Variants in CHEK2 observed in about 807,000 individuals in gnomAD.
The protein encoded by CHEK2 is serine/threonine-protein kinase Chk2.
A neutral mutation model predicts 69.1 loss-of-function variants in CHEK2; 71 were observed. The observed-to-expected ratio is 1.03, with a 90% CI of 0.85 to 1.25. The LOEUF (loss-of-function observed/expected upper bound fraction) is 1.25. Ranked by LOEUF, CHEK2 falls within the 50% of genes most tolerant of loss-of-function variation. CHEK2 has a pLI of 0.00. For synonymous variants in CHEK2, 189 were observed against 226.9 expected, an observed-to-expected ratio of 0.83 and a Z score of 1.50; for missense variants, 664 against 649.6, an observed-to-expected ratio of 1.02 and a Z score of -0.24.
intron 1 of CHEK2, among the ~76,000 whole-genome samples, chr22:28,741,463 C>A (rs1292250680): frequency 6.6e-6 from 1 of 151,776 alleles, no homozygotes; most frequent in African/African-American, 2.4e-5. Flanking sequence ...ATAGATTGAA[C>A]CTAAAGAATG....
chr22:28,689,268 T>C, intron 13 of CHEK2, 53 bp from the exon 14 acceptor site: 2 of 1,208,524 alleles, frequency 1.7e-6, no homozygotes, highest in Non-Finnish European at 2.4e-6. Context: ...AATAAACTCC[T>C]AGAATGACAG....
At chr22:28,727,263 G>A (rs948519554) in intron 2 of CHEK2, among the ~76,000 whole-genome samples, 2 of 152,076 alleles carry the variant, frequency 1.3e-5, no homozygotes, top group South Asian at 2.1e-4. Context: ...GGATGGTCTC[G>A]ATCTCCTGAA....
intron 2 of CHEK2, among the ~76,000 whole-genome samples, chr22:28,730,250 A>G (rs1223751121): frequency 0.13 from 8 of 62 alleles, no homozygotes; most frequent in African/African-American, 0.2. Context: ...AGAGGAGAGG[A>G]GAGGAGGGGA....
intron 13 of CHEK2, 71 bp from the exon 14 acceptor site, chr22:28,689,286 A>G (rs1396983044): frequency 1.9e-6 from 2 of 1,042,436 alleles, no homozygotes; most frequent in African/African-American, 3.1e-5. Flanking sequence ...CAGGGCTAGC[A>G]TGCCCCTGTG....
intron 8 of CHEK2, among the ~76,000 whole-genome samples, chr22:28,702,840 C>G (rs976268798): frequency 6.6e-6 from 1 of 152,304 alleles, no homozygotes; most frequent in East Asian, 1.9e-4. Context: ...AGCCACTGCA[C>G]CTGGCCCTGG....
At chr22:28,694,199 T>C in intron 12 of CHEK2, 82 bp from the exon 13 acceptor site, 1 of 929,852 alleles carries the variant, frequency 1.1e-6, no homozygotes, top group Admixed American at 1.7e-5. Flanking sequence ...CAGGCCACCA[T>C]TCAGAAAGAG....
chr22:28,721,512 C>A (rs1470907039), intron 4 of CHEK2: 4 of 390,072 alleles, frequency 1.0e-5, no homozygotes, highest in Non-Finnish European at 2.1e-5. Flanking sequence ...GTCTCGAACT[C>A]CTGACCTCAG....
intron 2 of CHEK2, chr22:28,730,515 A>G: frequency 2.9e-6 from 2 of 699,538 alleles, no homozygotes; most frequent in South Asian, 3.0e-5. Flanking sequence ...CAGGAGTTCA[A>G]GATCAGATTG....
chr22:28,699,100 G>A (rs890786365), intron 9 of CHEK2, among the ~76,000 whole-genome samples: 6 of 151,846 alleles, frequency 4.0e-5, no homozygotes, highest in Non-Finnish European at 8.8e-5. Flanking sequence ...AACCTCCCAG[G>A]CTCAAGCCGT....
intron 13 of CHEK2, among the ~76,000 whole-genome samples, chr22:28,690,562 A>C (rs2052321869): frequency 6.7e-6 from 1 of 149,400 alleles, no homozygotes; most frequent in Non-Finnish European, 1.5e-5. Context: ...CAAGAGGCGG[A>C]GGTTGCAGTA....
rs184381247 is a variant in CHEK2 at position 28,689,374 on chromosome 22, C to T, written c.1462-159G>A. 9.3e-4 allele frequency: 658 copies of T among 704,980 alleles called. 1 individual carries two copies. The Middle Eastern group carries it at 0.014, about 15-fold the overall frequency. 43.7% of individuals were successfully genotyped at this position (704,980 alleles called of 1,614,324 possible). A position where few individuals can be genotyped will look rare whatever the true frequency, so the allele number is the denominator to read the frequency against. On this transcript the variant is annotated intron_variant, in intron 13 of 14. Coordinates refer to ENST00000404276, the MANE Select transcript of CHEK2 (RefSeq NM_007194.4). ...CACAGCGAAGGCATTATGTGTTGCCCGCCTCTACCTTCCCAGAGGAGTCTA... is the reference window on the plus strand; with the variant it reads ...CACAGCGAAGGCATTATGTGTTGCCTGCCTCTACCTTCCCAGAGGAGTCTA...
At chr22:28,697,138 G>T in intron 9 of CHEK2, 151 bp from the exon 10 acceptor site, 4 of 645,616 alleles carry the variant, frequency 6.2e-6, no homozygotes, top group Non-Finnish European at 8.4e-6. Flanking sequence ...AACTGTTGGG[G>T]TAAAGTTTAC....
At chr22:28,698,407 CAAAT>C (rs1410846696) in intron 9 of CHEK2, among the ~76,000 whole-genome samples, 4 of 151,778 alleles carry the variant, frequency 2.6e-5, no homozygotes, top group Middle Eastern at 3.4e-3. Context: ...AAAAAATAAA[CAAAT>C]AAAAATAAAT....
At position 28,724,875 on chromosome 22, in the gene CHEK2, T is replaced by C. The variant is rs1340957370; in HGVS notation, c.592+102A>G. On this transcript the variant is annotated intron_variant, in intron 4 of 14. Coordinates refer to ENST00000404276, the MANE Select transcript of CHEK2 (RefSeq NM_007194.4). Reference sequence around the variant, plus strand: ...GCCACCACGCCCAGCAACTTACTCATCTTTACTCACTTAAACCATATTCTG... The same window carrying C: ...GCCACCACGCCCAGCAACTTACTCACCTTTACTCACTTAAACCATATTCTG... 1 of 1,272,398 alleles carries C rather than the reference T, an allele frequency of 7.9e-7. No individual in the cohort carries two copies. Among genetic ancestry groups the C allele is most frequent in the African/African-American group, 1.5e-5 (1 of 68,166 alleles). 78.8% of individuals were successfully genotyped at this position (1,272,398 alleles called of 1,614,324 possible).
chr22:28,704,913 T>C (rs888014091), intron 7 of CHEK2, among the ~76,000 whole-genome samples: 1 of 152,092 alleles, frequency 6.6e-6, no homozygotes, highest in African/African-American at 2.4e-5. Context: ...CACAATGAAT[T>C]GTTATATAGC....
At chr22:28,709,727 C>T (rs1037883435) in intron 7 of CHEK2, among the ~76,000 whole-genome samples, 1 of 152,146 alleles carries the variant, frequency 6.6e-6, no homozygotes, top group Non-Finnish European at 1.5e-5. Context: ...AGCACTTCTC[C>T]TGCCTCAGCC....
chr22:28,718,853 G>C (rs2053669307), intron 5 of CHEK2, among the ~76,000 whole-genome samples: 1 of 150,816 alleles, frequency 6.6e-6, no homozygotes, highest in Non-Finnish European at 1.5e-5. Context: ...CTGCACTCCA[G>C]CCTGTGCAAC....
intron 5 of CHEK2, among the ~76,000 whole-genome samples, chr22:28,714,342 CT>C (rs1172471528): frequency 6.6e-6 from 1 of 152,074 alleles, no homozygotes; most frequent in Non-Finnish European, 1.5e-5. Context: ...TTTTGATGTG[CT>C]TTTTGGCCAT....
intron 4 of CHEK2, 139 bp from the exon 5 acceptor site, chr22:28,719,624 T>A: frequency 1.7e-6 from 1 of 605,592 alleles, no homozygotes; most frequent in Non-Finnish European, 2.9e-6. Flanking sequence ...GAAATTAGTA[T>A]GTATGTAATA....
Sources: gnomAD v4.1 joint callset for allele counts (sites outside exome capture counted in the v4.1 genomes callset) on GRCh38, gnomAD v4.1.1 for gene constraint, MANE v1.5 for transcripts, NCBI Gene and HGNC (gene_info 2026-07-23, HGNC 2026-07-21) for gene names.